RCC1: variants seen among roughly 807,000 people sequenced by gnomAD.
RCC1 encodes regulator of chromosome condensation 1, also known as regulator of chromosome condensation.
A neutral mutation model predicts 44.4 loss-of-function variants in RCC1; 11 were observed. The ratio of observed to expected loss-of-function variants is 0.25; its 90% CI spans 0.16 to 0.41. The LOEUF (loss-of-function observed/expected upper bound fraction) is 0.41, where lower values mean the gene tolerates loss of function less well. RCC1 is among the 10% of genes least tolerant of loss of function. RCC1 has a pLI of 1.00. For missense variants in RCC1, 386 were observed against 547.1 expected (o/e 0.71, Z 2.94); for synonymous variants, 213 against 216.5 (o/e 0.98, Z 0.14).
At chr1:28,507,676 C>T (rs1662117842) in intron 1 of RCC1, 1 of 384,034 alleles carries the variant, frequency 2.6e-6, no homozygotes, top group South Asian at 1.9e-5. Flanking sequence ...ACTCCATTGC[C>T]TCTGCCTCCC....
intron 7 of RCC1, chr1:28,532,591 G>A (rs1557878839): frequency 3.8e-6 from 2 of 532,712 alleles, no homozygotes; most frequent in Non-Finnish European, 6.9e-6. Flanking sequence ...GTGGGTCAAG[G>A]ATGTCCCTGG....
intron 1 of RCC1, chr1:28,507,375 A>C (rs745980146): frequency 1.9e-6 from 1 of 519,076 alleles, no homozygotes; most frequent in Non-Finnish European, 3.8e-6. Context: ...TCCAACGTGG[A>C]TACACCCGGG....
At chr1:28,530,586 C>T (rs1664073236) in intron 5 of RCC1, 17 of 1,605,384 alleles carry the variant, frequency 1.1e-5, no homozygotes, top group Non-Finnish European at 1.4e-5. Context: ...GCCTGCGGGC[C>T]GAGCCCTCCT....
Position 28,508,851 on chromosome 1 carries a change from C to A in RCC1, c.-207C>A, listed in dbSNP as rs188852909. On this transcript the variant is annotated 5_prime_UTR_variant, in exon 3 of 13. Transcript: ENST00000683442. ...TTAGGAGAGAAGACGATCTGCACTT[C>A]GCATTTTGGCATTGACATTTAATTT... The A allele has an allele frequency of 5.4e-3, 2,811 of 517,306 alleles. 25 individuals carry two copies. Among genetic ancestry groups the A allele is most frequent in the South Asian group, 0.016 (1,131 of 71,248 alleles). 32.0% of individuals were successfully genotyped at this position (517,306 alleles called of 1,614,324 possible).
At chr1:28,526,290 AAAACAAAC>A (rs368368026) in intron 4 of RCC1, 18 of 253,238 alleles carry the variant, frequency 7.1e-5, no homozygotes, top group African/African-American at 2.7e-4. Flanking sequence ...CTGTCTCAAA[AAAACAAAC>A]AAACAAACAA....
In RCC1 at chr1:28,535,116, C is replaced by G. The variant is rs375601359; in HGVS notation, c.508C>G (p.Leu170Val). ...KKSMVPVQVQ[L>V]DVPVVKVASG... Reference sequence around the variant, plus strand: ...GAGCATGGTGCCTGTGCAGGTGCAGCTGGATGTGCCTGTGGTAAAGGTGGC... The same window carrying G: ...GAGCATGGTGCCTGTGCAGGTGCAGGTGGATGTGCCTGTGGTAAAGGTGGC... The change falls in exon 8 of 13, where the codon CTG becomes GTG. Residue 170 changes from leucine (L) to valine (V), a missense_variant. Coordinates refer to ENST00000683442, the MANE Select transcript of RCC1 (RefSeq NM_001381865.2). 5.6e-6 allele frequency: 9 copies of G among 1,614,038 alleles called. No homozygotes were observed. Among genetic ancestry groups the G allele is most frequent in the Non-Finnish European group, 6.8e-6 (8 of 1,180,010 alleles).
At chr1:28,506,261 T>C (rs1478549980) in intron 1 of RCC1, 177 bp downstream of exon 1, 2 of 447,990 alleles carry the variant, frequency 4.5e-6, no homozygotes, top group Non-Finnish European at 8.9e-6. Flanking sequence ...CAGTGCTCGT[T>C]GCAACCTCCG....
chr1:28,532,530 C>G, intron 7 of RCC1, 180 bp downstream of exon 7: 1 of 616,658 alleles, frequency 1.6e-6, no homozygotes, highest in Non-Finnish European at 2.8e-6. Flanking sequence ...GTCCACGCCA[C>G]TGGCTGCTTC....
intron 4 of RCC1, among the ~76,000 whole-genome samples, chr1:28,525,774 A>G (rs1663611216): frequency 6.6e-6 from 1 of 152,134 alleles, no homozygotes; most frequent in Non-Finnish European, 1.5e-5. Flanking sequence ...CTCCTTCCCC[A>G]GGATAATCAG....
chr1:28,519,258 T>C (rs969761441), intron 4 of RCC1, among the ~76,000 whole-genome samples: 5 of 152,084 alleles, frequency 3.3e-5, no homozygotes, highest in African/African-American at 1.2e-4. Context: ...TTGAGGTGAC[T>C]GGAGGAGGAG....
intron 7 of RCC1, among the ~76,000 whole-genome samples, chr1:28,533,882 T>C (rs1664370397): frequency 3.4e-5 from 2 of 59,338 alleles, no homozygotes; most frequent in Non-Finnish European, 5.9e-5. Context: ...TTTTTTTTTT[T>C]TTTTTTTTTT....
At chr1:28,520,847 G>A (rs1050070345) in intron 4 of RCC1, among the ~76,000 whole-genome samples, 1 of 152,178 alleles carries the variant, frequency 6.6e-6, no homozygotes, top group Non-Finnish European at 1.5e-5. Context: ...GGAGGCCAAG[G>A]TGGGCAGATC....
At position 28,536,740 on chromosome 1, in the gene RCC1, C is replaced by A. The variant is rs199628924; in HGVS notation, c.938-7C>A. 41 of 1,613,654 alleles carry A rather than the reference C, an allele frequency of 2.5e-5. No homozygotes were observed. The African/African-American group carries it at 5.3e-4, about 21-fold the overall frequency. On this transcript the variant is annotated splice_region_variant and splice_polypyrimidine_tract_variant and intron_variant, in intron 11 of 12. Coordinates refer to ENST00000683442, the MANE Select transcript of RCC1 (RefSeq NM_001381865.2). The surrounding 1 kb of genome is among the most constrained non-coding windows in gnomAD (Gnocchi z 4.9). ...GCTATTGCTCATCTCTCTCCCTCCT[C>A]CCATAGGAAAAGCATACAGCCTGGG... is the stretch of plus-strand genomic sequence containing the variant.
chr1:28,523,719 CAG>C (rs1484589860), intron 4 of RCC1, among the ~76,000 whole-genome samples: 5 of 152,226 alleles, frequency 3.3e-5, no homozygotes, highest in African/African-American at 1.2e-4. Context: ...CATGCTAATA[CAG>C]TCTCCCTCCC....
At chr1:28,512,717 T>C (rs1439276304) in intron 3 of RCC1, among the ~76,000 whole-genome samples, 3 of 152,314 alleles carry the variant, frequency 2.0e-5, no homozygotes, top group African/African-American at 7.2e-5. Flanking sequence ...TCAAAATATT[T>C]TTGAGTTCCT....
At chr1:28,509,815 C>G (rs769732640) in intron 3 of RCC1, 12 of 152,150 alleles carry the variant, frequency 7.9e-5, no homozygotes, top group Admixed American at 1.3e-4. Context: ...ATATTAGGTC[C>G]TGACCAATAG....
In RCC1 at chr1:28,531,905, A is replaced by G; in HGVS notation, c.176A>G (p.Lys59Arg). Residue 59 changes from lysine (K) to arginine (R), a missense_variant, in exon 6 of 13, where the codon AAG becomes AGG. Transcript: ENST00000683442. ...GGTGAGAATGTGATGGAGAGGAAGAAGCCGGCCCTGGTATCCATTCCGGAG... is the reference window on the plus strand; with the variant it reads ...GGTGAGAATGTGATGGAGAGGAAGAGGCCGGCCCTGGTATCCATTCCGGAG... The part of the protein sequence containing the change: ...GLGENVMERK[K>R]PALVSIPEDV... 2 of 1,609,934 alleles carry G rather than the reference A, an allele frequency of 1.2e-6. No homozygotes were observed. The highest frequency in any genetic ancestry group is 1.7e-4 in the Middle Eastern group (1 of 6,032).
intron 4 of RCC1, among the ~76,000 whole-genome samples, chr1:28,528,011 A>G (rs1175826394): frequency 1.3e-5 from 1 of 78,144 alleles, no homozygotes; most frequent in East Asian, 2.3e-4. Flanking sequence ...CTCTGCTTCA[A>G]AAAAAAAAAA....
intron 2 of RCC1, chr1:28,508,426 A>AGGCTTCCT (rs1662208448): frequency 1.3e-5 from 5 of 385,276 alleles, no homozygotes; most frequent in South Asian, 9.4e-5. Flanking sequence ...TGCCCTAGTG[A>AGGCTTCCT]ACTGTAGGAA....
Sources: allele counts gnomAD v4.1 joint callset (sites outside exome capture counted in the v4.1 genomes callset), GRCh38; gene constraint gnomAD v4.1.1; non-coding constraint Gnocchi (gnomAD v3.1); transcripts MANE v1.5; gene names NCBI Gene and HGNC (gene_info 2026-07-23, HGNC 2026-07-21).